Variants in PPP2R3A observed in about 807,000 individuals in gnomAD.
PPP2R3A encodes protein phosphatase 2 regulatory subunit B''alpha, also known as serine/threonine-protein phosphatase 2A regulatory subunit B'' subunit alpha.
A neutral mutation model predicts 106.9 loss-of-function variants in PPP2R3A; 80 were observed. That is an observed-to-expected ratio of 0.75 (90% CI 0.62 to 0.90). The LOEUF is 0.90. Ranked by LOEUF, PPP2R3A falls within the 40% of genes least tolerant of loss-of-function variation. The pLI, the probability that PPP2R3A is intolerant of heterozygous loss-of-function variation, is 0.00. For synonymous variants in PPP2R3A, 483 were observed against 468.3 expected (o/e 1.03, Z -0.41); for missense variants, 1,386 against 1,350.4 (o/e 1.03, Z -0.41).
At chr3:136,036,782 G>A (rs954569052) in intron 3 of PPP2R3A, among the ~76,000 whole-genome samples, 16 of 152,238 alleles carry the variant, frequency 1.1e-4, no homozygotes, top group African/African-American at 2.9e-4. Flanking sequence ...CCTGCCTCCC[G>A]TCCACCATGA....
intron 3 of PPP2R3A, among the ~76,000 whole-genome samples, chr3:136,029,105 G>T (rs1934770079): frequency 6.6e-6 from 1 of 152,032 alleles, no homozygotes; most frequent in South Asian, 2.1e-4. Flanking sequence ...CGCCCACCTC[G>T]GCCTCCCAAA....
rs145388675 is a variant in PPP2R3A, at chr3:136,120,917, G to C, written c.3329+14595G>C. Among the ~76,000 whole-genome samples the C allele has an allele frequency of 2.0e-5, 3 of 152,128 alleles. No homozygotes were observed. In the East Asian group the frequency reaches 5.8e-4, roughly 29 times the overall value. Reference sequence around the variant, plus strand: ...CAGTCAGAAGGGCTATTCTTAAAAAGTTAAAAAAAAATCACAGATGTTGGC... The same window carrying C: ...CAGTCAGAAGGGCTATTCTTAAAAACTTAAAAAAAAATCACAGATGTTGGC... On this transcript the variant is annotated intron_variant, in intron 13 of 13. Coordinates refer to ENST00000264977, the MANE Select transcript of PPP2R3A (RefSeq NM_002718.5).
chr3:136,141,828 T>G (rs915469034), intron 13 of PPP2R3A, among the ~76,000 whole-genome samples: 31 of 152,124 alleles, frequency 2.0e-4, no homozygotes, highest in Admixed American at 1.9e-3. Context: ...CTTAAGCCAG[T>G]GGTGGTAGGG....
chr3:136,119,070 A>G (rs1937892439), intron 13 of PPP2R3A, among the ~76,000 whole-genome samples: 1 of 152,182 alleles, frequency 6.6e-6, no homozygotes, highest in South Asian at 2.1e-4. Context: ...AACACCACAC[A>G]TCTACAACCA....
rs144100459 is a variant in PPP2R3A, at chr3:136,008,842, C to T, written c.1995+5349C>T. ...CAGCTTGCTCCATTAAGCCCACAGGCCTGTCCAACCCTCACAGCTTCACCA... is the reference window on the plus strand; with the variant it reads ...CAGCTTGCTCCATTAAGCCCACAGGTCTGTCCAACCCTCACAGCTTCACCA... On this transcript the variant is annotated intron_variant, in intron 2 of 13. Coordinates refer to ENST00000264977, the MANE Select transcript of PPP2R3A (RefSeq NM_002718.5). Among the ~76,000 whole-genome samples the T allele has an allele frequency of 2.3e-3, 347 of 152,210 alleles. 2 individuals are homozygous for T. Among genetic ancestry groups the T allele is most frequent in the African/African-American group, 7.8e-3 (325 of 41,508 alleles).
chr3:136,009,595 C>G (rs919529453), intron 2 of PPP2R3A, among the ~76,000 whole-genome samples: 1 of 151,982 alleles, frequency 6.6e-6, no homozygotes, highest in Non-Finnish European at 1.5e-5. Context: ...AGTATGGTTC[C>G]CAACTAATAC....
At chr3:136,101,148 C>T (rs902025120) in intron 10 of PPP2R3A, among the ~76,000 whole-genome samples, 4 of 152,160 alleles carry the variant, frequency 2.6e-5, no homozygotes, top group Non-Finnish European at 4.4e-5. Flanking sequence ...CCAAGGAAGA[C>T]TTCATCAAGA....
chr3:136,032,445 T>C (rs1351352038), intron 3 of PPP2R3A, among the ~76,000 whole-genome samples: 1 of 151,964 alleles, frequency 6.6e-6, no homozygotes, highest in Non-Finnish European at 1.5e-5. Flanking sequence ...GTTTTTAGGA[T>C]CTTCTGGGTA....
chr3:136,024,567 T>C (rs1934581829), intron 2 of PPP2R3A, among the ~76,000 whole-genome samples: 1 of 152,152 alleles, frequency 6.6e-6, no homozygotes, highest in East Asian at 1.9e-4. Context: ...GCCAGTGTTC[T>C]GAATATCACT....
At chr3:136,008,460 A>G (rs73222213) in intron 2 of PPP2R3A, among the ~76,000 whole-genome samples, 126 of 152,294 alleles carry the variant, frequency 8.3e-4, no homozygotes, top group Admixed American at 1.5e-3. Context: ...CCCCCTCCAC[A>G]TTTGGTGGCT....
chr3:136,109,437 G>GGT (rs1279539509), intron 13 of PPP2R3A, among the ~76,000 whole-genome samples: 1 of 151,936 alleles, frequency 6.6e-6, no homozygotes, highest in Non-Finnish European at 1.5e-5. Flanking sequence ...CAACAACAAA[G>GGT]GTTGAATATA....
chr3:136,092,030 A>C (rs1283036970), intron 10 of PPP2R3A, among the ~76,000 whole-genome samples: 3 of 152,120 alleles, frequency 2.0e-5, no homozygotes, highest in Non-Finnish European at 4.4e-5. Flanking sequence ...TGGTACTCAA[A>C]AAGTTTTGGA....
intron 2 of PPP2R3A, chr3:136,023,002 A>C: frequency 4.4e-6 from 7 of 1,586,256 alleles, no homozygotes; most frequent in Non-Finnish European, 4.3e-6. Flanking sequence ...AAGATTGACA[A>C]CTTGCTAAAT....
At chr3:136,074,259 A>G (rs1936528251) in intron 6 of PPP2R3A, among the ~76,000 whole-genome samples, 1 of 152,224 alleles carries the variant, frequency 6.6e-6, no homozygotes. Context: ...TTGAAAATCT[A>G]TGTTACAGGA....
chr3:136,071,992 AC>A (rs1936445685), intron 6 of PPP2R3A, among the ~76,000 whole-genome samples: 1 of 142,942 alleles, frequency 7.0e-6, no homozygotes, highest in Non-Finnish European at 1.5e-5. Context: ...TGTTTTTGTA[AC>A]CCTTCTTCCT....
At chr3:136,143,321 G>T (rs540937978) in intron 13 of PPP2R3A, among the ~76,000 whole-genome samples, 3 of 151,904 alleles carry the variant, frequency 2.0e-5, no homozygotes, top group Non-Finnish European at 4.4e-5. Context: ...AAACCCTGTT[G>T]CTACTAAGAA....
chr3:136,008,128 G>A (rs1303454382), intron 2 of PPP2R3A, among the ~76,000 whole-genome samples: 1 of 152,202 alleles, frequency 6.6e-6, no homozygotes. Flanking sequence ...TTTTAGCAAA[G>A]CACATTTTAG....
At chr3:136,069,906 A>C (rs941525712) in intron 5 of PPP2R3A, among the ~76,000 whole-genome samples, 1 of 152,272 alleles carries the variant, frequency 6.6e-6, no homozygotes, top group African/African-American at 2.4e-5. Flanking sequence ...ACAAGATTAA[A>C]GATTTAAAAA....
chr3:136,032,695 C>T (rs2107833033), intron 3 of PPP2R3A, among the ~76,000 whole-genome samples: 1 of 152,038 alleles, frequency 6.6e-6, no homozygotes, highest in East Asian at 1.9e-4. Flanking sequence ...CCACCATGCC[C>T]AGCTAATTTT....
Sources: gnomAD v4.1 joint callset for allele counts (sites outside exome capture counted in the v4.1 genomes callset) on GRCh38, gnomAD v4.1.1 for gene constraint, MANE v1.5 for transcripts, NCBI Gene and HGNC (gene_info 2026-07-23, HGNC 2026-07-21) for gene names.